Variants in TMEM108 observed in about 807,000 individuals in gnomAD.
TMEM108 encodes the protein transmembrane protein 108.
Under a neutral mutation model 35.1 loss-of-function variants are expected in TMEM108, and 12 were observed. The ratio of observed to expected loss-of-function variants is 0.34; its 90% CI spans 0.22 to 0.55. The LOEUF (loss-of-function observed/expected upper bound fraction) is 0.55. Among genes scored for constraint, TMEM108 ranks in the 20% least tolerant of loss-of-function variants. TMEM108 has a pLI of 0.89. For missense variants in TMEM108, 680 were observed against 753.3 expected, an observed-to-expected ratio of 0.90 and a Z score of 1.14; for synonymous variants, 287 against 308.6, an observed-to-expected ratio of 0.93 and a Z score of 0.73.
chr3:133,137,954 G>C (rs1288371781), intron 2 of TMEM108, among the ~76,000 whole-genome samples: 1 of 152,186 alleles, frequency 6.6e-6, no homozygotes, highest in African/African-American at 2.4e-5. Flanking sequence ...GCTTGAACAA[G>C]CAGAATTTAC....
intron 2 of TMEM108, among the ~76,000 whole-genome samples, chr3:133,107,869 T>A (rs1944174794): frequency 6.6e-6 from 1 of 152,084 alleles, no homozygotes. Flanking sequence ...TTTGAGGAGG[T>A]AGTCTAAAGT....
At chr3:133,105,621 A>ATG (rs146156516) in intron 2 of TMEM108, among the ~76,000 whole-genome samples, 32,769 of 151,858 alleles carry the variant, frequency 0.22, 4,250 homozygotes, top group Non-Finnish European at 0.3. Flanking sequence ...CCTTGGGGGT[A>ATG]TGTGTGTGCG....
At chr3:133,185,165 T>G (rs1304843286) in intron 2 of TMEM108, among the ~76,000 whole-genome samples, 1 of 152,218 alleles carries the variant, frequency 6.6e-6, no homozygotes, top group Non-Finnish European at 1.5e-5. Flanking sequence ...AAAGATCTTT[T>G]AAAATATTAT....
intron 2 of TMEM108, among the ~76,000 whole-genome samples, chr3:133,141,086 T>C (rs1944634773): frequency 6.6e-6 from 1 of 152,170 alleles, no homozygotes; most frequent in Admixed American, 6.6e-5. Flanking sequence ...ATTATTAAAA[T>C]AAAGGTTAAA....
chr3:133,043,498 G>A (rs1576288618), intron 1 of TMEM108, among the ~76,000 whole-genome samples: 1 of 152,152 alleles, frequency 6.6e-6, no homozygotes, highest in Non-Finnish European at 1.5e-5. Context: ...TAATGTATAT[G>A]CGAGTATTGA....
intron 3 of TMEM108, among the ~76,000 whole-genome samples, chr3:133,338,274 C>G (rs894881326): frequency 3.3e-5 from 5 of 152,004 alleles, no homozygotes; most frequent in African/African-American, 9.7e-5. Flanking sequence ...ATTAAACTCC[C>G]AAACGTCAAG....
intron 2 of TMEM108, among the ~76,000 whole-genome samples, chr3:133,180,680 A>C (rs1307018509): frequency 6.6e-6 from 1 of 152,168 alleles, no homozygotes; most frequent in African/African-American, 2.4e-5. Context: ...GTTGTTAGAA[A>C]GATTTAACTA....
chr3:133,078,122 G>A lies in TMEM108; in HGVS notation c.-47+32102G>A, dbSNP rs369772797. 3.1e-5 allele frequency among the ~76,000 whole-genome samples: 4 copies of A among 129,752 alleles called. No individual in the cohort carries two copies. In the South Asian group the frequency reaches 7.4e-4, roughly 24 times the overall value. 85.1% of individuals were successfully genotyped at this position (129,752 alleles called of 152,430 possible). A position where few individuals can be genotyped will look rare whatever the true frequency, so the allele number is the denominator to read the frequency against. Reference sequence around the variant, plus strand: ...CACCTGCATGTTTTGGCGAAAAATGGTGGAGTTTATGGAGCTCAGTGTGTG... The same window carrying A: ...CACCTGCATGTTTTGGCGAAAAATGATGGAGTTTATGGAGCTCAGTGTGTG... On this transcript the variant is annotated intron_variant, in intron 2 of 5. Coordinates refer to ENST00000321871, the MANE Select transcript of TMEM108 (RefSeq NM_023943.4).
At chr3:133,331,347 G>C (rs375519102) in intron 3 of TMEM108, among the ~76,000 whole-genome samples, 6 of 152,046 alleles carry the variant, frequency 3.9e-5, no homozygotes, top group African/African-American at 1.4e-4. Flanking sequence ...GATATTCAAG[G>C]GTGAGTATAT....
chr3:133,192,132 C>T (rs77088478), intron 2 of TMEM108, among the ~76,000 whole-genome samples: 1,991 of 152,194 alleles, frequency 0.013, 20 homozygotes, highest in South Asian at 0.02. Flanking sequence ...TGTTTGGATG[C>T]AGGAGGAAGA....
intron 3 of TMEM108, among the ~76,000 whole-genome samples, chr3:133,263,579 A>G (rs780871944): frequency 6.6e-6 from 1 of 152,190 alleles, no homozygotes; most frequent in Non-Finnish European, 1.5e-5. Flanking sequence ...TAAAAAGTCA[A>G]ATTTGTTGCT....
At chr3:133,273,786 C>A (rs549263533) in intron 3 of TMEM108, among the ~76,000 whole-genome samples, 16 of 152,290 alleles carry the variant, frequency 1.1e-4, no homozygotes, top group South Asian at 8.3e-4. Flanking sequence ...ATTAGCCAAT[C>A]ATGCCTCCAT....
At chr3:133,395,579 C>A (rs2107866857) in intron 5 of TMEM108, among the ~76,000 whole-genome samples, 1 of 152,276 alleles carries the variant, frequency 6.6e-6, no homozygotes, top group East Asian at 1.9e-4. Flanking sequence ...CTCTGGCAAC[C>A]TGGGATTGGG....
chr3:133,378,182 A>C (rs943268723), intron 3 of TMEM108, among the ~76,000 whole-genome samples: 7 of 152,218 alleles, frequency 4.6e-5, no homozygotes, highest in African/African-American at 1.7e-4. Context: ...GCCTCAGTGC[A>C]ATCTAAAGTC....
chr3:133,158,690 T>A (rs1944917828), intron 2 of TMEM108, among the ~76,000 whole-genome samples: 1 of 152,010 alleles, frequency 6.6e-6, no homozygotes, highest in Non-Finnish European at 1.5e-5. Context: ...TGTGCAGTGT[T>A]TGTGGCGGGA....
chr3:133,106,850 C>T (rs904654547), intron 2 of TMEM108, among the ~76,000 whole-genome samples: 1 of 152,130 alleles, frequency 6.6e-6, no homozygotes, highest in Admixed American at 6.5e-5. Context: ...AGCCTCTGAG[C>T]GAGAACCACC....
intron 3 of TMEM108, among the ~76,000 whole-genome samples, chr3:133,289,636 G>A (rs540878486): frequency 6.6e-6 from 1 of 152,334 alleles, no homozygotes; most frequent in East Asian, 1.9e-4. Flanking sequence ...CCGACTGTGA[G>A]GTTTGAAAAG....
At chr3:133,168,623 C>T (rs1421380928) in intron 2 of TMEM108, among the ~76,000 whole-genome samples, 1 of 152,160 alleles carries the variant, frequency 6.6e-6, no homozygotes, top group African/African-American at 2.4e-5. Context: ...ACAGACCAAT[C>T]AGCTCTCTGT....
chr3:133,318,823 A>C (rs1022833188), intron 3 of TMEM108, among the ~76,000 whole-genome samples: 6 of 150,164 alleles, frequency 4.0e-5, no homozygotes, highest in Non-Finnish European at 7.4e-5. Flanking sequence ...GACTCACACC[A>C]TGGAATTTTG....
Sources: allele counts gnomAD v4.1 joint callset (sites outside exome capture counted in the v4.1 genomes callset), GRCh38; gene constraint gnomAD v4.1.1; transcripts MANE v1.5; gene names NCBI Gene and HGNC (gene_info 2026-07-23, HGNC 2026-07-21).